The following PLCB1 variants were observed in gnomAD, a reference collection of about 807,000 sequenced individuals.
PLCB1 encodes phospholipase C beta 1.
PLCB1 carries 46 observed loss-of-function variants against 161.8 expected under a neutral mutation model. The observed-to-expected ratio is 0.28, with a 90% CI of 0.22 to 0.36. The LOEUF is 0.36. Ranked by LOEUF, PLCB1 falls within the 10% of genes least tolerant of loss-of-function variation. The pLI, the probability that PLCB1 is intolerant of heterozygous loss-of-function variation, is 1.00. For missense variants in PLCB1, 1,016 were observed against 1,472.5 expected, an observed-to-expected ratio of 0.69 and a Z score of 5.07; for synonymous variants, 517 against 503.7, an observed-to-expected ratio of 1.03 and a Z score of -0.35.
intron 3 of PLCB1, among the ~76,000 whole-genome samples, chr20:8,571,384 A>C (rs1241719660): frequency 1.3e-5 from 2 of 152,158 alleles, no homozygotes; most frequent in Non-Finnish European, 2.9e-5. Flanking sequence ...CGGGAAGCTG[A>C]GGCAGGAGAA....
intron 2 of PLCB1, among the ~76,000 whole-genome samples, chr20:8,342,981 T>C (rs772177038): frequency 3.9e-5 from 6 of 152,210 alleles, no homozygotes; most frequent in Non-Finnish European, 8.8e-5. Context: ...AATAGTTTTA[T>C]ACAATTGGAT....
chr20:8,810,935 T>C (rs1295320967), intron 31 of PLCB1, among the ~76,000 whole-genome samples: 1 of 152,206 alleles, frequency 6.6e-6, no homozygotes, highest in Non-Finnish European at 1.5e-5. Flanking sequence ...TACTGCACTC[T>C]GGCCTCTGGC....
At chr20:8,603,267 C>T (rs980629379) in intron 3 of PLCB1, among the ~76,000 whole-genome samples, 1 of 152,158 alleles carries the variant, frequency 6.6e-6, no homozygotes, top group Non-Finnish European at 1.5e-5. Context: ...AAATACATCT[C>T]GGGAATCAAG....
At chr20:8,409,874 T>C (rs1040135898) in intron 3 of PLCB1, among the ~76,000 whole-genome samples, 2 of 151,850 alleles carry the variant, frequency 1.3e-5, no homozygotes, top group African/African-American at 4.8e-5. Flanking sequence ...TAAAGCAGAG[T>C]CACAGGAAAG....
intron 3 of PLCB1, among the ~76,000 whole-genome samples, chr20:8,454,673 G>C (rs1981220462): frequency 6.6e-6 from 1 of 152,172 alleles, no homozygotes; most frequent in African/African-American, 2.4e-5. Flanking sequence ...CTATTCTGCA[G>C]ACACCAGTGT....
chr20:8,385,283 A>G (rs1223972521), intron 3 of PLCB1, among the ~76,000 whole-genome samples: 1 of 152,176 alleles, frequency 6.6e-6, no homozygotes, highest in African/African-American at 2.4e-5. Context: ...AGTCAGGGTC[A>G]GGCCTGAAGA....
At chr20:8,841,561 T>C (rs1350306727) in intron 31 of PLCB1, among the ~76,000 whole-genome samples, 2 of 152,246 alleles carry the variant, frequency 1.3e-5, no homozygotes, top group African/African-American at 4.8e-5. Flanking sequence ...ATCAAGTTTT[T>C]TCTGCCTTCC....
chr20:8,391,244 C>A (rs1224065461), intron 3 of PLCB1, among the ~76,000 whole-genome samples: 1 of 151,880 alleles, frequency 6.6e-6, no homozygotes, highest in Non-Finnish European at 1.5e-5. Flanking sequence ...AATCTAACTT[C>A]TATGTATTAG....
At chr20:8,755,953 T>G (rs2123559960) in intron 23 of PLCB1, among the ~76,000 whole-genome samples, 1 of 152,376 alleles carries the variant, frequency 6.6e-6, no homozygotes, top group African/African-American at 2.4e-5. Context: ...AAGTATTTTT[T>G]GTGTAAAGTT....
At position 8,147,898 on chromosome 20, in the gene PLCB1, C is replaced by T. The variant is rs1414627296; in HGVS notation, c.100-2396C>T. ...TTTTTTTTTTTTTTTTTTGAGACGG[C>T]GTCTCGCTCTGTCACCCAGGCTGGA... On this transcript the variant is annotated intron_variant, in intron 1 of 31. Transcript: ENST00000338037. Among the ~76,000 whole-genome samples the T allele has an allele frequency of 5.4e-4, 64 of 118,784 alleles. 1 individual carries two copies. Among genetic ancestry groups the T allele is most frequent in the African/African-American group, 1.7e-3 (51 of 30,632 alleles). 77.9% of individuals were successfully genotyped at this position (118,784 alleles called of 152,430 possible).
rs193020298 is a variant in PLCB1, at chr20:8,577,294, T to C, written c.247-51000T>C. Among the ~76,000 whole-genome samples the C allele has an allele frequency of 9.2e-3, 1,371 of 149,454 alleles. 26 individuals are homozygous for C. The highest frequency in any genetic ancestry group is 0.03 in the African/African-American group (1,218 of 40,762). ...AATACAAAAAAAAAAAAAAATTAGC[T>C]GGGCGTGGTGGCGGGCACCTGTAAT... On this transcript the variant is annotated intron_variant, in intron 3 of 31. Coordinates refer to ENST00000338037, the MANE Select transcript of PLCB1 (RefSeq NM_015192.4).
chr20:8,523,016 T>C (rs533993665), intron 3 of PLCB1, among the ~76,000 whole-genome samples: 1 of 152,254 alleles, frequency 6.6e-6, no homozygotes, highest in Admixed American at 6.5e-5. Flanking sequence ...ATGTTGGCCA[T>C]AGAGCATGAT....
chr20:8,249,781 C>T (rs1981049267), intron 2 of PLCB1: 3 of 151,890 alleles, frequency 2.0e-5, no homozygotes, highest in South Asian at 4.1e-4. Flanking sequence ...CCCAGTGAGC[C>T]CCATAAGCAG....
chr20:8,742,304 A>G (rs1980921784), intron 23 of PLCB1, among the ~76,000 whole-genome samples: 1 of 152,068 alleles, frequency 6.6e-6, no homozygotes, highest in South Asian at 2.1e-4. Flanking sequence ...CAGAGGAAAA[A>G]CTCGAGAAAA....
At chr20:8,515,730 A>G (rs1984079480) in intron 3 of PLCB1, among the ~76,000 whole-genome samples, 1 of 152,200 alleles carries the variant, frequency 6.6e-6, no homozygotes, top group South Asian at 2.1e-4. Flanking sequence ...ATGCATAACA[A>G]ACACCCCAAA....
At chr20:8,468,442 AT>A (rs1310507133) in intron 3 of PLCB1, among the ~76,000 whole-genome samples, 1 of 152,168 alleles carries the variant, frequency 6.6e-6, no homozygotes, top group Non-Finnish European at 1.5e-5. Flanking sequence ...CATCTGAATG[AT>A]TTTGGAAACT....
chr20:8,547,955 C>G (rs1253718057), intron 3 of PLCB1, among the ~76,000 whole-genome samples: 1 of 152,116 alleles, frequency 6.6e-6, no homozygotes, highest in Admixed American at 6.6e-5. Flanking sequence ...CTTCTCTTCT[C>G]CCATCTCTTC....
intron 3 of PLCB1, among the ~76,000 whole-genome samples, chr20:8,520,056 A>G (rs1376707614): frequency 6.6e-6 from 1 of 152,216 alleles, no homozygotes. Context: ...TGGCAGGCCC[A>G]GAAAAAAGCT....
chr20:8,569,671 T>G (rs1167290540), intron 3 of PLCB1, among the ~76,000 whole-genome samples: 1 of 152,188 alleles, frequency 6.6e-6, no homozygotes, highest in Non-Finnish European at 1.5e-5. Context: ...ATTTTTATAA[T>G]CAATAAGATT....
Sources: gnomAD v4.1 joint callset for allele counts (sites outside exome capture counted in the v4.1 genomes callset) on GRCh38, gnomAD v4.1.1 for gene constraint, MANE v1.5 for transcripts, NCBI Gene and HGNC (gene_info 2026-07-23, HGNC 2026-07-21) for gene names.